Variants in LRFN5 observed in about 807,000 individuals in gnomAD.
LRFN5 encodes the protein leucine-rich repeat and fibronectin type-III domain-containing protein 5.
LRFN5 carries 24 observed loss-of-function variants against 45.6 expected under a neutral mutation model. That is an observed-to-expected ratio of 0.53 (90% CI 0.38 to 0.74). The LOEUF (loss-of-function observed/expected upper bound fraction) is 0.74. LRFN5 is among the 30% of genes least tolerant of loss of function. The pLI is 0.00. For synonymous variants in LRFN5, 340 were observed against 313.8 expected (o/e 1.08, Z -0.88); for missense variants, 776 against 861.5 (o/e 0.90, Z 1.24).
At chr14:41,894,628 G>T (rs1890881304) in intron 4 of LRFN5, 1 of 983,214 alleles carries the variant, frequency 1.0e-6, no homozygotes, top group Non-Finnish European at 1.2e-6. Context: ...TCAAGTAATT[G>T]CAGTGTGAAG....
At chr14:41,684,624 C>T (rs989052558) in intron 1 of LRFN5, among the ~76,000 whole-genome samples, 1 of 152,112 alleles carries the variant, frequency 6.6e-6, no homozygotes, top group South Asian at 2.1e-4. Context: ...GGTGAGGACA[C>T]AGCCAAACCA....
chr14:41,798,630 T>C (rs775162451), intron 2 of LRFN5, among the ~76,000 whole-genome samples: 1 of 152,012 alleles, frequency 6.6e-6, no homozygotes, highest in Admixed American at 6.6e-5. Flanking sequence ...TAGTCAGAAA[T>C]AGTGTAATCT....
chr14:41,883,140 C>T (rs768481026), intron 2 of LRFN5, among the ~76,000 whole-genome samples: 7 of 151,282 alleles, frequency 4.6e-5, no homozygotes, highest in Non-Finnish European at 1.0e-4. Flanking sequence ...GCTTGAGTCA[C>T]CACCCCCCGC....
At chr14:41,774,334 T>C (rs1185805173) in intron 2 of LRFN5, among the ~76,000 whole-genome samples, 1 of 152,224 alleles carries the variant, frequency 6.6e-6, no homozygotes, top group East Asian at 1.9e-4. Context: ...TTTTAACACA[T>C]ATTAAACTTA....
intron 1 of LRFN5, among the ~76,000 whole-genome samples, chr14:41,726,512 A>G (rs1284120252): frequency 6.6e-6 from 1 of 152,182 alleles, no homozygotes; most frequent in Non-Finnish European, 1.5e-5. Context: ...GAATTTTCAT[A>G]GGGGCATTAT....
At chr14:41,854,970 A>G (rs1224897567) in intron 2 of LRFN5, among the ~76,000 whole-genome samples, 4 of 152,222 alleles carry the variant, frequency 2.6e-5, no homozygotes, top group African/African-American at 7.2e-5. Flanking sequence ...AAGCAGGGTA[A>G]GACATGAATT....
chr14:41,734,691 T>G (rs1026100431), intron 1 of LRFN5, among the ~76,000 whole-genome samples: 1 of 152,000 alleles, frequency 6.6e-6, no homozygotes, highest in African/African-American at 2.4e-5. Context: ...TAAGAACTTA[T>G]GCCATTTGTT....
chr14:41,736,059 T>A (rs1884417894), intron 1 of LRFN5, among the ~76,000 whole-genome samples: 1 of 152,188 alleles, frequency 6.6e-6, no homozygotes, highest in Non-Finnish European at 1.5e-5. Flanking sequence ...AGTGCTGCAA[T>A]AAACATATGT....
At chr14:41,661,458 C>T (rs987038881) in intron 1 of LRFN5, among the ~76,000 whole-genome samples, 2 of 151,954 alleles carry the variant, frequency 1.3e-5, no homozygotes, top group African/African-American at 4.8e-5. Context: ...TCAAGGCCTA[C>T]ATTTTGTGAA....
Position 41,729,437 on chromosome 14 carries a change from T to C in LRFN5, c.-196-37417T>C, listed in dbSNP as rs142325428. ...ACTACCCATACTCCCTGTAGAACCA[T>C]GAGCCAATTAAACCTCCTTTCTTTA... On this transcript the variant is annotated intron_variant, in intron 1 of 5. Coordinates refer to ENST00000298119, the MANE Select transcript of LRFN5 (RefSeq NM_152447.5). Among the ~76,000 whole-genome samples, 62 of 152,222 alleles carry C rather than the reference T, an allele frequency of 4.1e-4. No individual in the cohort carries two copies. The East Asian group carries it at 0.011, about 27-fold the overall frequency.
chr14:41,689,618 G>A (rs1046669229), intron 1 of LRFN5, among the ~76,000 whole-genome samples: 5 of 151,974 alleles, frequency 3.3e-5, no homozygotes, highest in African/African-American at 1.2e-4. Flanking sequence ...TTACTGGCCG[G>A]GCGCGGTGGC....
chr14:41,811,159 A>G (rs988870619), intron 2 of LRFN5, among the ~76,000 whole-genome samples: 11 of 152,138 alleles, frequency 7.2e-5, no homozygotes, highest in African/African-American at 2.7e-4. Flanking sequence ...GTCAATAAGC[A>G]TATGAAATGG....
At chr14:41,715,074 A>T (rs2138755316) in intron 1 of LRFN5, among the ~76,000 whole-genome samples, 1 of 152,276 alleles carries the variant, frequency 6.6e-6, no homozygotes, top group East Asian at 1.9e-4. Flanking sequence ...AGATCCTTAT[A>T]TCCAAGAGTA....
intron 1 of LRFN5, among the ~76,000 whole-genome samples, chr14:41,766,446 T>C (rs1885886625): frequency 6.6e-6 from 1 of 152,206 alleles, no homozygotes. Context: ...ATAAGGGTTT[T>C]TCAGGTTCAT....
chr14:41,766,126 G>T (rs542435891), intron 1 of LRFN5, among the ~76,000 whole-genome samples: 136 of 152,162 alleles, frequency 8.9e-4, no homozygotes, highest in African/African-American at 2.7e-3. Flanking sequence ...TTAATTTCAA[G>T]AACGTTTTAA....
chr14:41,849,898 G>A (rs1889205615), intron 2 of LRFN5, among the ~76,000 whole-genome samples: 1 of 151,748 alleles, frequency 6.6e-6, no homozygotes, highest in African/African-American at 2.4e-5. Flanking sequence ...AGTCAACTTT[G>A]TTAAAAGAAA....
chr14:41,814,784 T>C (rs1887859923), intron 2 of LRFN5, among the ~76,000 whole-genome samples: 1 of 152,224 alleles, frequency 6.6e-6, no homozygotes, highest in South Asian at 2.1e-4. Flanking sequence ...AATGGACAAA[T>C]TGGACGGCAT....
chr14:41,833,482 G>A (rs1888554551), intron 2 of LRFN5, among the ~76,000 whole-genome samples: 2 of 152,258 alleles, frequency 1.3e-5, no homozygotes, highest in South Asian at 2.1e-4. Flanking sequence ...ATGAGTTACA[G>A]AAAATTCACA....
intron 1 of LRFN5, among the ~76,000 whole-genome samples, chr14:41,753,815 T>C (rs1197175493): frequency 1.2e-4 from 18 of 151,882 alleles, no homozygotes; most frequent in Non-Finnish European, 8.8e-5. Context: ...TGAATAGGAG[T>C]GGTGAGAGAG....
Sources: allele counts gnomAD v4.1 joint callset (sites outside exome capture counted in the v4.1 genomes callset), GRCh38; gene constraint gnomAD v4.1.1; transcripts MANE v1.5; gene names NCBI Gene and HGNC (gene_info 2026-07-23, HGNC 2026-07-21).